Variants in SH2B3 observed in about 807,000 individuals in gnomAD.
SH2B3 encodes the protein SH2B adapter protein 3.
SH2B3 carries 43 observed loss-of-function variants against 51.9 expected under a neutral mutation model. That is an observed-to-expected ratio of 0.83 (90% confidence interval 0.65 to 1.07). The LOEUF is 1.07. SH2B3 is among the 50% of genes least tolerant of loss of function. The pLI is 0.00. For synonymous variants in SH2B3, 396 were observed against 376.0 expected (o/e 1.05, Z -0.62); for missense variants, 952 against 834.3 (o/e 1.14, Z -1.74).
intron 2 of SH2B3, among the ~76,000 whole-genome samples, chr12:111,424,145 A>G (rs1871789725): frequency 6.6e-6 from 1 of 152,198 alleles, no homozygotes; most frequent in Non-Finnish European, 1.5e-5. Flanking sequence ...AAAAATAAAA[A>G]TAATCTTGGA....
chr12:111,421,962 T>C (rs1871596694), intron 2 of SH2B3, among the ~76,000 whole-genome samples: 1 of 152,238 alleles, frequency 6.6e-6, no homozygotes, highest in South Asian at 2.1e-4. Flanking sequence ...TTTAGAGAAA[T>C]TGCCAGACTT....
chr12:111,418,113 T>G lies in SH2B3; in HGVS notation c.-27-6T>G. On this transcript the variant is annotated splice_polypyrimidine_tract_variant and splice_region_variant and intron_variant, in intron 1 of 7. Coordinates refer to ENST00000341259, the MANE Select transcript of SH2B3 (RefSeq NM_005475.3). The surrounding 1 kb of genome is among the most constrained non-coding windows in gnomAD (Gnocchi z 6.7). ...CTTGTCGCCCCCCCACCCACGTGTC[T>G]TTCAGCCCGGCCGCACCACCTGGGT... 2 of 1,476,240 alleles carry G rather than the reference T, an allele frequency of 1.4e-6. No homozygotes were observed. Among genetic ancestry groups the G allele is most frequent in the Non-Finnish European group, 1.8e-6 (2 of 1,124,988 alleles). The allele number at this position is 1,476,240 out of a possible 1,614,324, so 91.4% of individuals were successfully genotyped here. A position where few individuals can be genotyped will look rare whatever the true frequency, so the allele number is the denominator to read the frequency against.
rs1028804041 is a variant in SH2B3 at position 111,429,897 on chromosome 12, G to T, written c.732+11020G>T. On this transcript the variant is annotated intron_variant, in intron 2 of 7. Transcript: ENST00000341259. This position sits in a 1 kb window ranked among gnomAD's most constrained non-coding sequence, Gnocchi z 4.4. ...GTTTAGGCCCCAGAACAGGCAGAGA[G>T]AAAGCACCCACCCTCCACCGTCAGA... is the stretch of plus-strand genomic sequence containing the variant. Among the ~76,000 whole-genome samples the T allele has an allele frequency of 2.6e-5, 4 of 152,176 alleles. No homozygotes were observed. Among genetic ancestry groups the T allele is most frequent in the Non-Finnish European group, 4.4e-5 (3 of 68,024 alleles).
chr12:111,431,226 C>A (rs1261194910), intron 2 of SH2B3, among the ~76,000 whole-genome samples: 1 of 152,184 alleles, frequency 6.6e-6, no homozygotes, highest in Non-Finnish European at 1.5e-5. Context: ...ACCTCCCTCG[C>A]TGTGGCTGCT....
At position 111,409,733 on chromosome 12, in the gene SH2B3, A is replaced by C. The variant is rs1287386612; in HGVS notation, c.-28+3456A>C. Among the ~76,000 whole-genome samples, 1 of 152,164 alleles carries C rather than the reference A, an allele frequency of 6.6e-6. No individual in the cohort carries two copies. Among genetic ancestry groups the C allele is most frequent in the Non-Finnish European group, 1.5e-5 (1 of 68,012 alleles). On this transcript the variant is annotated intron_variant, in intron 1 of 7. Coordinates refer to ENST00000341259, the MANE Select transcript of SH2B3 (RefSeq NM_005475.3). The surrounding 1 kb of genome is among the most constrained non-coding windows in gnomAD (Gnocchi z 4.0). ...GCAGGTCCTGAGGCCTGGCAGCAGG[A>C]CCAGGCCACCACTGGACATCTGCTC... is the stretch of plus-strand genomic sequence containing the variant.
chr12:111,442,636 G>T (rs546252020), intron 2 of SH2B3, among the ~76,000 whole-genome samples: 1 of 152,184 alleles, frequency 6.6e-6, no homozygotes, highest in African/African-American at 2.4e-5. Flanking sequence ...GCCCTCCAGC[G>T]TCCCAGGAGG....
chr12:111,424,653 C>A (rs1216149736), intron 2 of SH2B3, among the ~76,000 whole-genome samples: 1 of 152,066 alleles, frequency 6.6e-6, no homozygotes, highest in Non-Finnish European at 1.5e-5. Flanking sequence ...AAGCAAGCAG[C>A]CCTGGGGAGG....
At position 111,449,842 on chromosome 12, in the gene SH2B3, GTC is replaced by G. The variant is rs1330460091; in HGVS notation, c.*1544_*1545del. On this transcript the variant is annotated 3_prime_UTR_variant, in exon 8 of 8. Transcript: ENST00000341259. ...GGTCTGCTTCTTCCACTTATACTTA[GTC>G]TCTGTGCTCCAAGAGGTCAAATTTT... is the stretch of plus-strand genomic sequence containing the variant. 6.6e-6 allele frequency: 1 copy of G among 152,182 alleles called. No individual in the cohort carries two copies. Among genetic ancestry groups the G allele is most frequent in the Non-Finnish European group, 1.5e-5 (1 of 68,074 alleles). 9.4% of individuals were successfully genotyped at this position (152,182 alleles called of 1,614,324 possible).
rs758311611 is a variant in SH2B3 at position 111,446,717 on chromosome 12, G to A, written c.733-36G>A. 6.5e-6 allele frequency: 8 copies of A among 1,222,308 alleles called. No homozygotes were observed. The East Asian group carries it at 1.4e-4, about 22-fold the overall frequency. The allele number at this position is 1,222,308 out of a possible 1,614,324, so 75.7% of individuals were successfully genotyped here. ...GGCCTGGCTGGAAGAAAGAGCATCA[G>A]GAACAAGCCTTGAGTACCCCAACTT... On this transcript the variant is annotated intron_variant, in intron 2 of 7. Coordinates refer to ENST00000341259, the MANE Select transcript of SH2B3 (RefSeq NM_005475.3).
In SH2B3 at chr12:111,429,860, C is replaced by T. The variant is rs1193738814; in HGVS notation, c.732+10983C>T. Among the ~76,000 whole-genome samples, 1 of 152,128 alleles carries T rather than the reference C, an allele frequency of 6.6e-6. No individual in the cohort carries two copies. The highest frequency in any genetic ancestry group is 2.4e-5 in the African/African-American group (1 of 41,424). ...TGCCAAGGCCGGGGGGCACCAGGGG[C>T]AGGGGGTTTGTGTTTAGGCCCCAGA... On this transcript the variant is annotated intron_variant, in intron 2 of 7. Coordinates refer to ENST00000341259, the MANE Select transcript of SH2B3 (RefSeq NM_005475.3). The surrounding 1 kb of genome is among the most constrained non-coding windows in gnomAD (Gnocchi z 4.4).
At chr12:111,412,435 C>G (rs1379161521) in intron 1 of SH2B3, among the ~76,000 whole-genome samples, 1 of 152,228 alleles carries the variant, frequency 6.6e-6, no homozygotes, top group Admixed American at 6.5e-5. Context: ...CGAGCCCAGC[C>G]CATGAGGCAG....
rs1870295553 is a variant in SH2B3 at position 111,406,944 on chromosome 12, C to G, written c.-28+667C>G. Among the ~76,000 whole-genome samples, 1 of 152,016 alleles carries G rather than the reference C, an allele frequency of 6.6e-6. No homozygotes were observed. Among genetic ancestry groups the G allele is most frequent in the African/African-American group, 2.4e-5 (1 of 41,370 alleles). ...TGGGGTTCCCTGGGAATCCCCCGAC[C>G]AAAAAACGTCTGGAGTGGGTGTTGG... On this transcript the variant is annotated intron_variant, in intron 1 of 7. Transcript: ENST00000341259. This position sits in a 1 kb window ranked among gnomAD's most constrained non-coding sequence, Gnocchi z 5.7.
At chr12:111,428,120 C>T (rs914282444) in intron 2 of SH2B3, among the ~76,000 whole-genome samples, 1 of 152,240 alleles carries the variant, frequency 6.6e-6, no homozygotes, top group Non-Finnish European at 1.5e-5. Context: ...AGGAAAAGCT[C>T]CTGTGGCCAT....
chr12:111,422,228 G>A (rs1205701088), intron 2 of SH2B3, among the ~76,000 whole-genome samples: 3 of 151,856 alleles, frequency 2.0e-5, no homozygotes, highest in Admixed American at 1.3e-4. Context: ...TTATAGGCGC[G>A]TGCCACCACA....
In SH2B3 at chr12:111,418,588, G is replaced by T. The variant is rs868066223; in HGVS notation, c.443G>T (p.Arg148Leu). 1 of 1,487,446 alleles carries T rather than the reference G, an allele frequency of 6.7e-7. No homozygotes were observed. The highest frequency in any genetic ancestry group is 8.9e-7 in the Non-Finnish European group (1 of 1,125,800). The allele number at this position is 1,487,446 out of a possible 1,614,324, so 92.1% of individuals were successfully genotyped here. A position where few individuals can be genotyped will look rare whatever the true frequency, so the allele number is the denominator to read the frequency against. The change falls in exon 2 of 8, where the codon CGC (arginine) becomes CTC (leucine). Residue 148 changes from arginine (R) to leucine (L), a missense_variant. Physicochemically the swap from Arg to Leu is moderately radical, Grantham distance 102. Transcript: ENST00000341259. The surrounding 1 kb of genome is among the most constrained non-coding windows in gnomAD (Gnocchi z 6.7). ...CGCAGCCTCCGCCACATCTTCCGCC[G>T]CCGCTCGGCCGGGGAGCTGCCAGCG... ...FRRSLRHIFR[R>L]RSAGELPAAH...
intron 2 of SH2B3, among the ~76,000 whole-genome samples, chr12:111,425,587 T>G (rs1201151358): frequency 6.6e-6 from 1 of 152,070 alleles, no homozygotes; most frequent in African/African-American, 2.4e-5. Flanking sequence ...TGGAGCTGGA[T>G]TGCAGAGGCC....
At chr12:111,431,345 A>AG (rs1245368958) in intron 2 of SH2B3, among the ~76,000 whole-genome samples, 3 of 152,304 alleles carry the variant, frequency 2.0e-5, no homozygotes, top group Non-Finnish European at 2.9e-5. Context: ...ACCACCTGGA[A>AG]GGGGGCCCTG....
intron 1 of SH2B3, among the ~76,000 whole-genome samples, chr12:111,417,245 G>T (rs1383772442): frequency 2.6e-5 from 4 of 152,092 alleles, no homozygotes; most frequent in Non-Finnish European, 5.9e-5. Context: ...AAACGTTTTA[G>T]CAGGAAATAT....
At chr12:111,428,204 C>T (rs573159889) in intron 2 of SH2B3, among the ~76,000 whole-genome samples, 129 of 152,360 alleles carry the variant, frequency 8.5e-4, no homozygotes, top group African/African-American at 3.0e-3. Flanking sequence ...CCTCACCTGG[C>T]ACAGAGGACT....
Sources: gnomAD v4.1 joint callset for allele counts (sites outside exome capture counted in the v4.1 genomes callset) on GRCh38, gnomAD v4.1.1 for gene constraint, Gnocchi (gnomAD v3.1) non-coding constraint, MANE v1.5 for transcripts, NCBI Gene and HGNC (gene_info 2026-07-23, HGNC 2026-07-21) for gene names.